Variants in ALDH3A2 observed in about 807,000 individuals in gnomAD.
The protein encoded by ALDH3A2 is aldehyde dehydrogenase 3 family member A2.
In ALDH3A2, 36 loss-of-function variants were observed where a neutral mutation model predicts 51.3. That is an observed-to-expected ratio of 0.70 (90% CI 0.54 to 0.93). ALDH3A2 has a LOEUF of 0.93. ALDH3A2 is among the 40% of genes least tolerant of loss of function. The pLI is 0.00. For missense variants in ALDH3A2, 552 were observed against 603.1 expected (o/e 0.92, Z 0.89); for synonymous variants, 199 against 219.8 (o/e 0.91, Z 0.84).
In ALDH3A2 at chr17:19,672,673, T is replaced by C. The variant is rs542924811; in HGVS notation, c.1443+717T>C. ...CAGCCGTTCAACTGAGGATATAACA[T>C]TGAAAATATTGACCATATCAGTGAA... On this transcript the variant is annotated intron_variant, in intron 9 of 9. Coordinates refer to ENST00000176643, the MANE Select transcript of ALDH3A2 (RefSeq NM_000382.3). Among the ~76,000 whole-genome samples, 4 of 152,238 alleles carry C rather than the reference T, an allele frequency of 2.6e-5. No homozygotes were observed. The South Asian group carries it at 6.2e-4, about 24-fold the overall frequency.
chr17:19,655,726 T>C (rs1227695039), intron 3 of ALDH3A2, among the ~76,000 whole-genome samples: 2 of 152,254 alleles, frequency 1.3e-5, no homozygotes, highest in South Asian at 2.1e-4. Context: ...TGTTCTCTCT[T>C]AGAATAGCTG....
intron 8 of ALDH3A2, among the ~76,000 whole-genome samples, chr17:19,667,848 C>T (rs1470681655): frequency 6.6e-6 from 1 of 152,154 alleles, no homozygotes; most frequent in African/African-American, 2.4e-5. Context: ...TGTGAGCCAT[C>T]GCACCCAGCC....
chr17:19,653,099 C>T (rs906910493), intron 3 of ALDH3A2, among the ~76,000 whole-genome samples: 22 of 149,502 alleles, frequency 1.5e-4, no homozygotes, highest in Non-Finnish European at 1.9e-4. Flanking sequence ...GGCTGTAGTG[C>T]TGTGGTGTGA....
chr17:19,665,411 T>G (rs1010048378), intron 8 of ALDH3A2, among the ~76,000 whole-genome samples: 15 of 144,390 alleles, frequency 1.0e-4, no homozygotes, highest in East Asian at 6.0e-4. Context: ...GTGTGTGTGG[T>G]GTGTGTGTTT....
chr17:19,654,040 CAT>C lies in ALDH3A2; in HGVS notation c.471+1410_471+1411del, dbSNP rs2084858470. Among the ~76,000 whole-genome samples the C allele has an allele frequency of 6.6e-6, 1 of 152,202 alleles. No homozygotes were observed. The highest frequency in any genetic ancestry group is 6.5e-5 in the Admixed American group (1 of 15,288). On this transcript the variant is annotated intron_variant, in intron 3 of 9. Transcript: ENST00000176643. The surrounding 1 kb of genome is among the most constrained non-coding windows in gnomAD (Gnocchi z 4.5). Reference sequence around the variant, plus strand: ...GTGCATTTACAAACCTTGAGCTAGACATAGAGTGCTGACTGGTGCTTTTACAA... The same window carrying C: ...GTGCATTTACAAACCTTGAGCTAGACAGAGTGCTGACTGGTGCTTTTACAA...
At chr17:19,652,720 C>T in intron 3 of ALDH3A2, 88 bp downstream of exon 3, 3 of 1,162,322 alleles carry the variant, frequency 2.6e-6, no homozygotes, top group East Asian at 4.7e-5. Flanking sequence ...TTATTGCTGG[C>T]CGGGGACCCA....
chr17:19,656,694 T>A, intron 4 of ALDH3A2, 120 bp downstream of exon 4: 1 of 987,724 alleles, frequency 1.0e-6, no homozygotes. Flanking sequence ...TATTAAGCTT[T>A]GGTGGTTGAT....
chr17:19,663,041 T>C (rs1319364231), intron 6 of ALDH3A2, among the ~76,000 whole-genome samples: 1 of 152,130 alleles, frequency 6.6e-6, no homozygotes, highest in Non-Finnish European at 1.5e-5. Context: ...ATGTTAAGTA[T>C]AATCTACAGT....
chr17:19,652,822 C>T (rs748819240), intron 3 of ALDH3A2, 190 bp downstream of exon 3: 106 of 607,032 alleles, frequency 1.7e-4, no homozygotes, highest in Middle Eastern at 4.3e-4. Context: ...AGTCACCCAG[C>T]TCTTGGGGTT....
chr17:19,671,623 C>A, intron 8 of ALDH3A2, 98 bp from the exon 9 acceptor site: 1 of 1,022,244 alleles, frequency 9.8e-7, no homozygotes, highest in Non-Finnish European at 1.5e-6. Flanking sequence ...GGTTCCCAGG[C>A]AGCAGGGAGT....
intron 8 of ALDH3A2, among the ~76,000 whole-genome samples, chr17:19,669,850 G>A (rs1265049464): frequency 6.6e-6 from 1 of 152,120 alleles, no homozygotes; most frequent in African/African-American, 2.4e-5. Context: ...GTGTTGCCCA[G>A]GCTGGTCTTG....
Position 19,654,225 on chromosome 17 carries a change from C to T in ALDH3A2, c.471+1593C>T, listed in dbSNP as rs576168293. 1.9e-3 allele frequency among the ~76,000 whole-genome samples: 296 copies of T among 152,398 alleles called. 1 individual carries two copies. The highest frequency in any genetic ancestry group is 6.7e-3 in the African/African-American group (279 of 41,600). The stretch of plus-strand genomic sequence containing the variant: ...CATAAAAGTTCTCTAAGTCCCCACC[C>T]GACTCAGGAGCCCAGCTGGCTTTGC... On this transcript the variant is annotated intron_variant, in intron 3 of 9. Coordinates refer to ENST00000176643, the MANE Select transcript of ALDH3A2 (RefSeq NM_000382.3). The surrounding 1 kb of genome is among the most constrained non-coding windows in gnomAD (Gnocchi z 4.5).
At chr17:19,651,488 T>C in intron 1 of ALDH3A2, 59 bp from the exon 2 acceptor site, 1 of 1,412,734 alleles carries the variant, frequency 7.1e-7, no homozygotes, top group Non-Finnish European at 1.0e-6. Flanking sequence ...TGTTCTGACA[T>C]TCAGGGCCAA....
intron 4 of ALDH3A2, among the ~76,000 whole-genome samples, chr17:19,657,255 A>G (rs2084909256): frequency 6.6e-6 from 1 of 152,264 alleles, no homozygotes; most frequent in Non-Finnish European, 1.5e-5. Flanking sequence ...CTGCCCATGC[A>G]TAGGAAAGGT....
At position 19,649,021 on chromosome 17, in the gene ALDH3A2, C is replaced by G; in HGVS notation, c.50C>G (p.Ser17Trp). 6.3e-7 allele frequency: 1 copy of G among 1,582,192 alleles called. No homozygotes were observed. The highest frequency in any genetic ancestry group is 8.6e-7 in the Non-Finnish European group (1 of 1,164,578). Residue 17 changes from serine (S) to tryptophan (W), a missense_variant, in exon 1 of 10, where the codon TCG becomes TGG. Physicochemically the swap from Ser to Trp is radical, Grantham distance 177. Coordinates refer to ENST00000176643, the MANE Select transcript of ALDH3A2 (RefSeq NM_000382.3). ...RVRQAFLSGR[S>W]RPLRFRLQQL... ...CGACAGGCGTTCCTGTCCGGCCGGT[C>G]GCGACCTCTGCGGTTTCGGCTGCAG... is the stretch of plus-strand genomic sequence containing the variant.
At position 19,652,617 on chromosome 17, in the gene ALDH3A2, T is replaced by A; in HGVS notation, c.456T>A (p.Pro152=). 1.2e-6 allele frequency: 2 copies of A among 1,613,306 alleles called. No homozygotes were observed. The change falls in exon 3 of 10, where the codon CCT becomes CCA. Residue 152 remains proline, a synonymous_variant. Coordinates refer to ENST00000176643, the MANE Select transcript of ALDH3A2 (RefSeq NM_000382.3). ...NTAKILAKLL[P]QYLDQDLYIV... ...CCAAGATCTTGGCAAAGCTTCTCCC[T>A]CAGTATTTAGACCAGGTAAGAATTT...
chr17:19,673,092 C>T, intron 9 of ALDH3A2: 1 of 1,611,058 alleles, frequency 6.2e-7, no homozygotes. Flanking sequence ...CTTACAGTAT[C>T]CCAGCCTTAG....
intron 7 of ALDH3A2, among the ~76,000 whole-genome samples, chr17:19,664,151 C>A (rs543453064): frequency 5.3e-5 from 8 of 152,294 alleles, no homozygotes; most frequent in African/African-American, 1.9e-4. Flanking sequence ...TATTGAGATA[C>A]AGATAGCTAC....
intron 9 of ALDH3A2, chr17:19,672,484 G>T: frequency 5.8e-6 from 1 of 173,462 alleles, no homozygotes; most frequent in Non-Finnish European, 1.3e-5. Flanking sequence ...TTCACTACCT[G>T]ATAAAGTTTA....
Sources: allele counts gnomAD v4.1 joint callset (sites outside exome capture counted in the v4.1 genomes callset), GRCh38; gene constraint gnomAD v4.1.1; non-coding constraint Gnocchi (gnomAD v3.1); transcripts MANE v1.5; gene names NCBI Gene and HGNC (gene_info 2026-07-23, HGNC 2026-07-21).